The following CALN1 variants were observed in gnomAD, a reference collection of about 807,000 sequenced individuals.
CALN1 encodes the protein calneuron 1.
A neutral mutation model predicts 30.6 loss-of-function variants in CALN1; 17 were observed. The observed-to-expected ratio is 0.56, with a 90% CI of 0.38 to 0.83. The LOEUF (loss-of-function observed/expected upper bound fraction) is 0.83. Among genes scored for constraint, CALN1 ranks in the 40% least tolerant of loss-of-function variants. The pLI, the probability that CALN1 is intolerant of heterozygous loss-of-function variation, is 0.00. For synonymous variants in CALN1, 156 were observed against 131.4 expected, an observed-to-expected ratio of 1.19 and a Z score of -1.28; for missense variants, 291 against 354.9, an observed-to-expected ratio of 0.82 and a Z score of 1.45.
chr7:72,271,575 A>AAAAAAAAAATATATATATATAT, intron 3 of CALN1, among the ~76,000 whole-genome samples: 116 of 52,100 alleles, frequency 2.2e-3, no homozygotes, highest in Non-Finnish European at 3.1e-3. Flanking sequence ...AAAAAAAAAA[A>AAAAAAAAAATATATATATATAT]ATATATATAT....
rs533557018 is a variant in CALN1 at position 72,232,362 on chromosome 7, A to C, written c.244+46324T>G. 2.0e-5 allele frequency among the ~76,000 whole-genome samples: 3 copies of C among 152,384 alleles called. No homozygotes were observed. The East Asian group carries it at 5.8e-4, about 29-fold the overall frequency. ...CGTGATAATACTATTTACAATAGCC[A>C]AGCATTGGAGAGAAACAAAAATCCA... On this transcript the variant is annotated intron_variant, in intron 3 of 6. Coordinates refer to ENST00000395275, the MANE Select transcript of CALN1 (RefSeq NM_031468.4).
chr7:71,790,327 AAGG>A lies in CALN1; in HGVS notation c.659-2428_659-2426del, dbSNP rs1473689674. ...AGAAAGAAAGAAGAAAGAAAGAAAG[AAGG>A]AAAGAAAGAAAGAAAGAAAAGAAAG... On this transcript the variant is annotated intron_variant, in intron 6 of 6. Transcript: ENST00000395275. Among the ~76,000 whole-genome samples the A allele has an allele frequency of 9.3e-5, 13 of 139,476 alleles. No homozygotes were observed. The South Asian group carries it at 2.5e-3, about 27-fold the overall frequency. 91.5% of individuals were successfully genotyped at this position (139,476 alleles called of 152,430 possible).
At chr7:72,248,821 AT>A (rs35949137) in intron 3 of CALN1, among the ~76,000 whole-genome samples, 225 of 150,842 alleles carry the variant, frequency 1.5e-3, no homozygotes, top group Non-Finnish European at 1.0e-3. Context: ...TTCGATCTAG[AT>A]TTTTTTTTTC....
At chr7:72,313,000 A>G (rs1483250027) in intron 2 of CALN1, among the ~76,000 whole-genome samples, 1 of 152,002 alleles carries the variant, frequency 6.6e-6, no homozygotes. Flanking sequence ...ATACCCGGCT[A>G]ATTTTTGTGT....
At chr7:72,230,097 C>T (rs1478842580) in intron 3 of CALN1, among the ~76,000 whole-genome samples, 1 of 151,882 alleles carries the variant, frequency 6.6e-6, no homozygotes, top group Non-Finnish European at 1.5e-5. Context: ...GCCGAGACTG[C>T]ACCACTGCAC....
intron 5 of CALN1, among the ~76,000 whole-genome samples, chr7:72,021,478 G>A (rs1169090723): frequency 1.3e-5 from 2 of 152,078 alleles, no homozygotes; most frequent in Admixed American, 1.3e-4. Context: ...TCCACCAGGG[G>A]ACTCTACCTA....
rs185502244 is a variant in CALN1, at chr7:71,919,769, C to T, written c.501+103888G>A. ...TGCCCCCTACACATACACACACACA[C>T]AAAAACCCTACAATGATGCTACAAG... On this transcript the variant is annotated intron_variant, in intron 5 of 6. Transcript: ENST00000395275. Among the ~76,000 whole-genome samples, 314 of 152,312 alleles carry T rather than the reference C, an allele frequency of 2.1e-3. 1 individual carries two copies. Among genetic ancestry groups the T allele is most frequent in the African/African-American group, 7.1e-3 (295 of 41,578 alleles).
chr7:72,343,620 C>CA (rs1464899630), intron 2 of CALN1, among the ~76,000 whole-genome samples: 1 of 151,984 alleles, frequency 6.6e-6, no homozygotes, highest in Admixed American at 6.6e-5. Context: ...GGGTGATTTC[C>CA]AAGTGGAAAA....
chr7:71,857,028 G>GTA (rs1554357130), intron 5 of CALN1, among the ~76,000 whole-genome samples: 7 of 149,962 alleles, frequency 4.7e-5, no homozygotes, highest in Middle Eastern at 3.4e-3. Context: ...GTGTGTGTGT[G>GTA]TGTGTGTGTG....
At chr7:72,366,059 A>T (rs184927984) in intron 2 of CALN1, among the ~76,000 whole-genome samples, 2 of 152,196 alleles carry the variant, frequency 1.3e-5, no homozygotes, top group African/African-American at 2.4e-5. Flanking sequence ...AGCATTGCTC[A>T]TATTATGAAA....
chr7:72,190,846 A>ATT (rs1037082017), intron 3 of CALN1, among the ~76,000 whole-genome samples: 1 of 85,532 alleles, frequency 1.2e-5, no homozygotes. Context: ...ATTTATTATT[A>ATT]TTTTTTTTCA....
chr7:72,394,752 C>T (rs1016880418), intron 2 of CALN1, among the ~76,000 whole-genome samples: 3 of 151,232 alleles, frequency 2.0e-5, no homozygotes, highest in African/African-American at 4.9e-5. Context: ...GCCTTAAATT[C>T]CTGGGATCAA....
intron 2 of CALN1, among the ~76,000 whole-genome samples, chr7:72,334,316 A>C (rs944663334): frequency 6.6e-6 from 1 of 152,182 alleles, no homozygotes; most frequent in Non-Finnish European, 1.5e-5. Flanking sequence ...AAAAGACACC[A>C]CTGCACACAC....
chr7:72,219,545 A>T (rs1328190756), intron 3 of CALN1, among the ~76,000 whole-genome samples: 1 of 152,062 alleles, frequency 6.6e-6, no homozygotes, highest in African/African-American at 2.4e-5. Flanking sequence ...CTCTTCATTT[A>T]AGAGTCAACT....
chr7:72,026,092 A>G (rs1182805768), intron 4 of CALN1, among the ~76,000 whole-genome samples: 1 of 152,198 alleles, frequency 6.6e-6, no homozygotes, highest in Non-Finnish European at 1.5e-5. Flanking sequence ...ATCGTAAGAA[A>G]GCTAATTCAA....
intron 3 of CALN1, among the ~76,000 whole-genome samples, chr7:72,233,220 G>A: frequency 6.6e-6 from 1 of 151,500 alleles, no homozygotes; most frequent in Non-Finnish European, 1.5e-5. Flanking sequence ...AAGGCACTGT[G>A]GAGAAAGGCA....
chr7:72,331,307 G>A (rs566387875), intron 2 of CALN1, among the ~76,000 whole-genome samples: 59 of 152,024 alleles, frequency 3.9e-4, no homozygotes, highest in African/African-American at 1.3e-3. Context: ...CCGAGATCAC[G>A]CCACTGCACT....
At chr7:71,816,409 C>G (rs563160298) in intron 5 of CALN1, among the ~76,000 whole-genome samples, 3 of 152,108 alleles carry the variant, frequency 2.0e-5, no homozygotes, top group Admixed American at 6.6e-5. Flanking sequence ...TGGGGAAAAA[C>G]CTGGCAGAAT....
intron 2 of CALN1, among the ~76,000 whole-genome samples, chr7:72,344,074 T>G (rs571989694): frequency 1.3e-5 from 2 of 152,286 alleles, no homozygotes; most frequent in East Asian, 3.9e-4. Flanking sequence ...AGACAGAGTC[T>G]CACTCTGTTA....
Sources: allele counts gnomAD v4.1 joint callset (sites outside exome capture counted in the v4.1 genomes callset), GRCh38; gene constraint gnomAD v4.1.1; transcripts MANE v1.5; gene names NCBI Gene and HGNC (gene_info 2026-07-23, HGNC 2026-07-21).